PHF11: variants seen among roughly 807,000 people sequenced by gnomAD.
PHF11 encodes the protein BRCA1 C-terminus-associated protein.
PHF11 carries 38 observed loss-of-function variants against 40.5 expected under a neutral mutation model. The ratio of observed to expected loss-of-function variants is 0.94; its 90% confidence interval spans 0.72 to 1.23. PHF11 has a LOEUF of 1.23. Ranked by LOEUF, PHF11 falls within the 50% of genes most tolerant of loss-of-function variation. The pLI, the probability that PHF11 is intolerant of heterozygous loss-of-function variation, is 0.00. For missense variants in PHF11, 369 were observed against 392.4 expected (o/e 0.94, Z 0.50); for synonymous variants, 127 against 138.2 (o/e 0.92, Z 0.57).
At chr13:49,521,125 C>G (rs1036971113) in intron 5 of PHF11, 185 bp downstream of exon 5, 1 of 1,293,244 alleles carries the variant, frequency 7.7e-7, no homozygotes, top group Non-Finnish European at 9.8e-7. Flanking sequence ...ATTTTTTCTT[C>G]TTTATGAACA....
intron 1 of PHF11, among the ~76,000 whole-genome samples, chr13:49,501,822 C>T: frequency 6.6e-6 from 1 of 152,062 alleles, no homozygotes; most frequent in Non-Finnish European, 1.5e-5. Flanking sequence ...TCCCGAGTAG[C>T]TGGGATTATA....
chr13:49,517,945 T>C (rs1306161942), intron 3 of PHF11, 73 bp from the exon 4 acceptor site: 1 of 853,250 alleles, frequency 1.2e-6, no homozygotes, highest in Non-Finnish European at 1.8e-6. Flanking sequence ...TTAAATAACA[T>C]TTAATGATAT....
intron 2 of PHF11, among the ~76,000 whole-genome samples, chr13:49,511,607 C>T (rs988150534): frequency 8.5e-5 from 13 of 152,146 alleles, no homozygotes; most frequent in South Asian, 2.1e-4. Flanking sequence ...GGATTACAGG[C>T]GTGAGCCACC....
At chr13:49,517,921 AG>A in intron 3 of PHF11, 96 bp from the exon 4 acceptor site, 4 of 676,940 alleles carry the variant, frequency 5.9e-6, no homozygotes, top group Non-Finnish European at 1.0e-5. Context: ...GATAAAATGC[AG>A]GGCTTCTGGA....
chr13:49,504,334 C>G (rs1213126978), intron 1 of PHF11, among the ~76,000 whole-genome samples: 1 of 151,946 alleles, frequency 6.6e-6, no homozygotes, highest in Non-Finnish European at 1.5e-5. Flanking sequence ...TATCTGTGGT[C>G]CCAGCTACTG....
intron 1 of PHF11, among the ~76,000 whole-genome samples, chr13:49,502,355 GGTAA>G (rs572721638): frequency 1.3e-3 from 203 of 151,934 alleles, no homozygotes; most frequent in African/African-American, 4.6e-3. Flanking sequence ...AGAAAACAGA[GGTAA>G]GTGTTTTCTA....
intron 1 of PHF11, chr13:49,497,353 C>A: frequency 1.9e-6 from 1 of 519,254 alleles, no homozygotes; most frequent in Non-Finnish European, 3.5e-6. Flanking sequence ...CCACTGTATT[C>A]AGGTACTCCA....
chr13:49,523,851 G>T, intron 7 of PHF11: 1 of 288,354 alleles, frequency 3.5e-6, no homozygotes, highest in Non-Finnish European at 6.3e-6. Context: ...TATAGTTATT[G>T]TAAGCAGAGA....
chr13:49,518,187 G>C, intron 4 of PHF11, 36 bp downstream of exon 4: 1 of 1,463,034 alleles, frequency 6.8e-7, no homozygotes, highest in Non-Finnish European at 9.4e-7. Context: ...CACATTTGGG[G>C]GATTGGGATA....
At chr13:49,506,894 ATTTCTT>A in intron 2 of PHF11, 138 bp downstream of exon 2, 1 of 223,900 alleles carries the variant, frequency 4.5e-6, no homozygotes, top group East Asian at 7.2e-5. Context: ...ATTGGGGAGC[ATTTCTT>A]TTTTTTTTTT....
At chr13:49,514,071 AG>A (rs1959116571) in intron 3 of PHF11, among the ~76,000 whole-genome samples, 2 of 152,306 alleles carry the variant, frequency 1.3e-5, no homozygotes, top group Admixed American at 1.3e-4. Context: ...ATGGGTCATA[AG>A]GGGGCTATTC....
chr13:49,504,597 G>A (rs1200360179), intron 1 of PHF11, among the ~76,000 whole-genome samples: 6 of 133,112 alleles, frequency 4.5e-5, no homozygotes, highest in African/African-American at 1.5e-4. Flanking sequence ...GAGGTGGGGG[G>A]TCAGCCCCCC....
intron 9 of PHF11, among the ~76,000 whole-genome samples, chr13:49,527,054 G>GAAA (rs112437268): frequency 3.2e-5 from 3 of 92,700 alleles, no homozygotes; most frequent in East Asian, 3.6e-4. Flanking sequence ...AAGTTCATCA[G>GAAA]AAAAAAAAAA....
At chr13:49,510,870 A>C (rs928090061) in intron 2 of PHF11, among the ~76,000 whole-genome samples, 3 of 152,200 alleles carry the variant, frequency 2.0e-5, no homozygotes, top group Non-Finnish European at 4.4e-5. Flanking sequence ...AAATGTACCC[A>C]TTTTAAGTGT....
chr13:49,500,720 T>C (rs943090779), intron 1 of PHF11, among the ~76,000 whole-genome samples: 8 of 150,978 alleles, frequency 5.3e-5, no homozygotes, highest in Non-Finnish European at 8.9e-5. Flanking sequence ...AAACTCTGGG[T>C]CTAGCACAGC....
chr13:49,519,863 A>G (rs1959179258), intron 4 of PHF11, among the ~76,000 whole-genome samples: 1 of 152,214 alleles, frequency 6.6e-6, no homozygotes, highest in Admixed American at 6.5e-5. Context: ...TGCTGGGAAG[A>G]CTGCATGGAG....
chr13:49,523,205 A>G lies in PHF11; in HGVS notation c.601A>G (p.Ile201Val). The G allele has an allele frequency of 2.5e-6, 4 of 1,612,550 alleles. No individual in the cohort carries two copies. The highest frequency in any genetic ancestry group is 1.7e-6 in the Non-Finnish European group (2 of 1,178,520). Reference sequence around the variant, plus strand: ...CGAAACAATGAAATGTAATACATTCATAAGACAAGTGAAAGAAGAGCATGG... The same window carrying G: ...CGAAACAATGAAATGTAATACATTCGTAAGACAAGTGAAAGAAGAGCATGG... Reference protein sequence around the residue: ...PPETMKCNTFIRQVKEEHGRH... With the variant: ...PPETMKCNTFVRQVKEEHGRH... The change falls in exon 7 of 10, where the codon ATA becomes GTA. Residue 201 changes from isoleucine to valine, a missense_variant. Transcript: ENST00000378319.
chr13:49,515,101 G>T (rs1026157452), intron 3 of PHF11, among the ~76,000 whole-genome samples: 3 of 152,164 alleles, frequency 2.0e-5, no homozygotes, highest in Non-Finnish European at 4.4e-5. Flanking sequence ...GTACCTGAGG[G>T]TTTCTGCGGA....
Position 49,520,895 on chromosome 13 carries a change from CTGCTT to C in PHF11, c.464_468del (p.Leu155ProfsTer14). The C allele has an allele frequency of 6.4e-7, 1 of 1,563,446 alleles. No individual in the cohort carries two copies. The highest frequency in any genetic ancestry group is 8.7e-7 in the Non-Finnish European group (1 of 1,143,450). On this transcript the variant is annotated frameshift_variant and splice_region_variant, in exon 5 of 10. Coordinates refer to ENST00000378319, the MANE Select transcript of PHF11 (RefSeq NM_001040443.3). LOFTEE classifies it high-confidence loss of function. ...ATTCTTTGAAATTAAATATTTCAGACTGCTTTGCCAGCAACATGCTCAATTCCCGA... is the reference window on the plus strand; with the variant it reads ...ATTCTTTGAAATTAAATATTTCAGACTGCCAGCAACATGCTCAATTCCCGA...
Sources: allele counts gnomAD v4.1 joint callset (sites outside exome capture counted in the v4.1 genomes callset), GRCh38; gene constraint gnomAD v4.1.1; transcripts MANE v1.5; gene names NCBI Gene and HGNC (gene_info 2026-07-23, HGNC 2026-07-21).